ACBD6: variants seen among roughly 807,000 people sequenced by gnomAD.
ACBD6 encodes the protein acyl-CoA binding domain containing 6.
Under a neutral mutation model 37.2 loss-of-function variants are expected in ACBD6, and 28 were observed. The observed-to-expected ratio is 0.75, with a 90% CI of 0.56 to 1.03. The LOEUF (loss-of-function observed/expected upper bound fraction) is 1.03. Ranked by LOEUF, ACBD6 falls within the 50% of genes least tolerant of loss-of-function variation. ACBD6 has a pLI of 0.00. For synonymous variants in ACBD6, 113 were observed against 126.8 expected (o/e 0.89, Z 0.73); for missense variants, 340 against 337.4 (o/e 1.01, Z -0.06).
chr1:180,311,965 T>C (rs1650610201), intron 7 of ACBD6, among the ~76,000 whole-genome samples: 1 of 152,240 alleles, frequency 6.6e-6, no homozygotes, highest in Admixed American at 6.5e-5. Flanking sequence ...TGGAAGTCAG[T>C]CTCTGCCTTC....
intron 3 of ACBD6, among the ~76,000 whole-genome samples, chr1:180,439,259 G>C (rs576438704): frequency 3.9e-5 from 6 of 152,252 alleles, no homozygotes; most frequent in African/African-American, 1.4e-4. Flanking sequence ...GATTCTGGGA[G>C]ATAAAACCTA....
At chr1:180,433,442 T>C (rs192819467) in intron 3 of ACBD6, among the ~76,000 whole-genome samples, 1 of 152,062 alleles carries the variant, frequency 6.6e-6, no homozygotes, top group Non-Finnish European at 1.5e-5. Context: ...ACATACTCAG[T>C]GGTGGAAAAC....
chr1:180,341,089 T>C (rs150815616), intron 6 of ACBD6, among the ~76,000 whole-genome samples: 15 of 152,140 alleles, frequency 9.9e-5, no homozygotes, highest in Admixed American at 3.3e-4. Context: ...TTTGGAAGAG[T>C]AGAATTCATT....
At chr1:180,473,392 A>G (rs1297035012) in intron 3 of ACBD6, among the ~76,000 whole-genome samples, 1 of 146,574 alleles carries the variant, frequency 6.8e-6, no homozygotes, top group Non-Finnish European at 1.5e-5. Flanking sequence ...GCTTGCAGTG[A>G]GCCGAGATCC....
chr1:180,377,544 G>C (rs181054014), intron 6 of ACBD6, among the ~76,000 whole-genome samples: 5 of 152,322 alleles, frequency 3.3e-5, no homozygotes, highest in Non-Finnish European at 7.4e-5. Context: ...CTTCCTTATA[G>C]AGGGTTCCAA....
intron 4 of ACBD6, among the ~76,000 whole-genome samples, chr1:180,427,288 C>T (rs934065784): frequency 3.9e-5 from 6 of 152,134 alleles, no homozygotes; most frequent in African/African-American, 1.4e-4. Flanking sequence ...CTTCAAAATA[C>T]ATTATTTTAT....
intron 3 of ACBD6, among the ~76,000 whole-genome samples, chr1:180,483,673 G>A (rs767744657): frequency 2.0e-5 from 3 of 152,020 alleles, no homozygotes; most frequent in Non-Finnish European, 4.4e-5. Context: ...TTACAGATTA[G>A]GATACAATTA....
intron 4 of ACBD6, among the ~76,000 whole-genome samples, chr1:180,417,791 A>G (rs923961236): frequency 2.6e-5 from 4 of 152,184 alleles, no homozygotes; most frequent in African/African-American, 9.7e-5. Flanking sequence ...CTTTGGAGGT[A>G]GTCTTTCTAG....
chr1:180,277,331 A>G (rs755424000), intron 9 of ACBD6: 5 of 152,202 alleles, frequency 3.3e-5, no homozygotes, highest in Non-Finnish European at 7.3e-5. Context: ...TTGGAAGTCT[A>G]TTATGGGGTA....
intron 3 of ACBD6, among the ~76,000 whole-genome samples, chr1:180,479,885 A>C (rs1650956390): frequency 6.6e-6 from 1 of 152,068 alleles, no homozygotes; most frequent in Admixed American, 6.5e-5. Flanking sequence ...GGTATTCAGG[A>C]GGCTGAGGTG....
chr1:180,361,523 A>T (rs1652853563), intron 6 of ACBD6, among the ~76,000 whole-genome samples: 2 of 152,180 alleles, frequency 1.3e-5, no homozygotes, highest in African/African-American at 4.8e-5. Flanking sequence ...AATGATTAGT[A>T]ATTCTATAAG....
At chr1:180,495,382 A>T in intron 2 of ACBD6, 79 bp downstream of exon 2, 1 of 1,027,366 alleles carries the variant, frequency 9.7e-7, no homozygotes, top group South Asian at 1.5e-5. Context: ...ATAATTCTTT[A>T]ATCAGCTCAC....
intron 3 of ACBD6, chr1:180,435,256 A>AT (rs913558276): frequency 7.6e-3 from 4,138 of 542,270 alleles, no homozygotes; most frequent in East Asian, 9.0e-3. Context: ...TACCAGATGC[A>AT]TTTTTTTTTT....
At position 180,274,510 on chromosome 1, in the gene ACBD6, T is replaced by C. The variant is rs754920772; in HGVS notation, c.*936+141A>G. On this transcript the variant is annotated intron_variant, in intron 10 of 13. Transcript: ENST00000642319. ...CCTCTGACATCTCCACAGGAAGCAG[T>C]GTAGGCTATCCCGACTTTCCAACTA... 2.5e-6 allele frequency: 4 copies of C among 1,611,782 alleles called. No homozygotes were observed. The African/African-American group carries it at 5.3e-5, about 22-fold the overall frequency.
intron 4 of ACBD6, among the ~76,000 whole-genome samples, chr1:180,429,497 T>C (rs1388998431): frequency 6.6e-6 from 1 of 152,218 alleles, no homozygotes; most frequent in Non-Finnish European, 1.5e-5. Flanking sequence ...TGTTTATCCA[T>C]CCATCTGTCA....
Position 180,390,590 on chromosome 1 carries a change from G to C in ACBD6, c.663+6926C>G, listed in dbSNP as rs200383482. 2.6e-3 allele frequency among the ~76,000 whole-genome samples: 396 copies of C among 152,132 alleles called. 6 individuals are homozygous for C. In the East Asian group the frequency reaches 0.033, roughly 13 times the overall value. On this transcript the variant is annotated intron_variant, in intron 6 of 7. Transcript: ENST00000367595. ...TGGCATTGAATCTATAAATTACCTT[G>C]GGCAGTATGGCCATTTTCACAATAT...
chr1:180,369,412 G>C (rs932731957), intron 6 of ACBD6, among the ~76,000 whole-genome samples: 1 of 152,132 alleles, frequency 6.6e-6, no homozygotes, highest in Non-Finnish European at 1.5e-5. Flanking sequence ...TCTATATAAA[G>C]TCCACTGCAT....
chr1:180,431,498 G>A (rs571449165), intron 3 of ACBD6, among the ~76,000 whole-genome samples: 3 of 152,184 alleles, frequency 2.0e-5, no homozygotes, highest in Admixed American at 2.0e-4. Context: ...AAGAATTTCT[G>A]GGATAGATAA....
intron 7 of ACBD6, among the ~76,000 whole-genome samples, chr1:180,306,873 G>A (rs548395718): frequency 1.3e-5 from 2 of 152,300 alleles, no homozygotes; most frequent in Admixed American, 1.3e-4. Flanking sequence ...TGGCGAGGAT[G>A]TGGAGAAAAG....
Sources: gnomAD v4.1 joint callset for allele counts (sites outside exome capture counted in the v4.1 genomes callset) on GRCh38, gnomAD v4.1.1 for gene constraint, MANE v1.5 for transcripts, NCBI Gene and HGNC (gene_info 2026-07-23, HGNC 2026-07-21) for gene names.